MID1: variants seen among roughly 807,000 people sequenced by gnomAD.
MID1 encodes midline 1, also known as E3 ubiquitin-protein ligase Midline-1.
A neutral mutation model predicts 40.4 loss-of-function variants in MID1; 7 were observed. The ratio of observed to expected loss-of-function variants is 0.17; its 90% confidence interval spans 0.10 to 0.33. MID1 has a LOEUF of 0.33. Ranked by LOEUF, MID1 falls within the 10% of genes least tolerant of loss-of-function variation. The pLI is 1.00. For missense variants in MID1, 367 were observed against 558.5 expected (o/e 0.66, Z 3.46); for synonymous variants, 229 against 221.2 (o/e 1.04, Z -0.31).
At chrX:10,623,799 A>C (rs574342083), upstream of MID1, among the ~76,000 whole-genome samples, 61 of 112,066 alleles carry the variant, frequency 5.4e-4, no homozygotes, top group African/African-American at 1.7e-3. Context: ...GAAGTTGTCT[A>C]TGCAGCCACC....
At chrX:10,582,251 G>A (rs1427993982) in intron 1 of MID1, among the ~76,000 whole-genome samples, 6 of 111,181 alleles carry the variant, frequency 5.4e-5, no homozygotes, top group African/African-American at 2.0e-4. Flanking sequence ...GGAAGACATT[G>A]TCTTTAATAT....
At chrX:10,800,726 C>T (rs11796037) in intron 1 of MID1, among the ~76,000 whole-genome samples, 19,835 of 111,095 alleles carry the variant, frequency 0.18, 1,823 homozygotes, top group Non-Finnish European at 0.28. Context: ...GTTCCCTGGG[C>T]CTAATTCCTT....
intron 1 of MID1, among the ~76,000 whole-genome samples, chrX:10,614,656 C>T (rs978091420): frequency 8.9e-6 from 1 of 111,889 alleles, no homozygotes; most frequent in African/African-American, 3.2e-5. Context: ...GGAAGATGAA[C>T]AATTATGAAT....
At chrX:10,805,506 T>C (rs2044038804) in intron 1 of MID1, among the ~76,000 whole-genome samples, 1 of 106,387 alleles carries the variant, frequency 9.4e-6, no homozygotes, top group Admixed American at 1.0e-4. Flanking sequence ...GTCTTTGCTA[T>C]TGGGAATAGT....
chrX:10,731,966 C>CAAAAAAAAAAA (rs754605735), intron 1 of MID1, among the ~76,000 whole-genome samples: 16 of 26,646 alleles, frequency 6.0e-4, no homozygotes, highest in African/African-American at 1.4e-3. Flanking sequence ...GAATCTATCA[C>CAAAAAAAAAAA]AAAAAAAAAA....
intron 2 of MID1, among the ~76,000 whole-genome samples, chrX:10,544,846 T>C (rs1468335394): frequency 2.7e-5 from 3 of 112,691 alleles, no homozygotes; most frequent in Admixed American, 1.9e-4. Context: ...TCAGATCAGG[T>C]GAAAATGTTG....
intron 1 of MID1, among the ~76,000 whole-genome samples, chrX:10,696,165 C>T (rs1371826128): frequency 9.0e-6 from 1 of 111,574 alleles, no homozygotes; most frequent in Admixed American, 9.5e-5. Flanking sequence ...CAAGCATGCA[C>T]ACTAAGAGGA....
intron 1 of MID1, among the ~76,000 whole-genome samples, chrX:10,584,908 A>G (rs1487398766): frequency 1.8e-5 from 2 of 111,085 alleles, no homozygotes; most frequent in Admixed American, 1.9e-4. Flanking sequence ...TCCCTGAATG[A>G]GCAATTCCTG....
intron 6 of MID1, among the ~76,000 whole-genome samples, chrX:10,473,717 C>G (rs768060318): frequency 8.9e-6 from 1 of 112,523 alleles, no homozygotes; most frequent in Non-Finnish European, 1.9e-5. Flanking sequence ...GCACATCTGG[C>G]TTCACTGTGT....
At chrX:10,512,917 G>C (rs1343046466) in intron 3 of MID1, among the ~76,000 whole-genome samples, 1 of 112,211 alleles carries the variant, frequency 8.9e-6, no homozygotes, top group Non-Finnish European at 1.9e-5. Flanking sequence ...TCCTCACTGA[G>C]AGCCTTGTAC....
At chrX:10,499,982 A>G (rs1168155118) in intron 3 of MID1, among the ~76,000 whole-genome samples, 1 of 112,435 alleles carries the variant, frequency 8.9e-6, no homozygotes, top group South Asian at 3.7e-4. Flanking sequence ...GTGTGGAATT[A>G]TTGTGGTGAA....
intron 8 of MID1, among the ~76,000 whole-genome samples, chrX:10,459,362 C>A (rs746522509): frequency 8.0e-5 from 9 of 112,160 alleles, no homozygotes; most frequent in South Asian, 3.7e-4. Context: ...CTACTTCTCA[C>A]AAGAATGCCT....
intron 8 of MID1, among the ~76,000 whole-genome samples, chrX:10,456,284 G>C (rs929695068): frequency 8.9e-6 from 1 of 111,850 alleles, no homozygotes; most frequent in Non-Finnish European, 1.9e-5. Context: ...TTCTTTTTAG[G>C]TCACGGACCA....
chrX:10,806,438 G>C (rs2044048898), intron 1 of MID1, among the ~76,000 whole-genome samples: 1 of 111,865 alleles, frequency 8.9e-6, no homozygotes, highest in African/African-American at 3.3e-5. Context: ...GCAGTTTCTG[G>C]GGTGGCAGTT....
chrX:10,537,611 A>C lies in MID1; in HGVS notation c.661-14424T>G, dbSNP rs1484683516. On this transcript the variant is annotated intron_variant, in intron 2 of 9. Transcript: ENST00000317552. ...AGTGTCACTGATACAGGTAATGAAC[A>C]AATTCTCAAATCGAATGCATTTACT... Among the ~76,000 whole-genome samples the C allele has an allele frequency of 3.6e-5, 4 of 112,431 alleles. No individual in the cohort carries two copies. The East Asian group carries it at 1.1e-3, about 31-fold the overall frequency.
At chrX:10,671,214 C>G (rs971927199) in intron 1 of MID1, among the ~76,000 whole-genome samples, 6 of 111,977 alleles carry the variant, frequency 5.4e-5, no homozygotes, top group African/African-American at 1.9e-4. Flanking sequence ...TACTAAATAT[C>G]TCACAAAATT....
intron 1 of MID1, among the ~76,000 whole-genome samples, chrX:10,633,598 C>T (rs1242572927): frequency 9.0e-6 from 1 of 110,683 alleles, no homozygotes; most frequent in Non-Finnish European, 1.9e-5. Context: ...ACTACAGGTG[C>T]ACACCACCAT....
At chrX:10,717,477 A>G (rs1433640432) in intron 1 of MID1, among the ~76,000 whole-genome samples, 1 of 110,955 alleles carries the variant, frequency 9.0e-6, no homozygotes, top group Non-Finnish European at 1.9e-5. Context: ...AAAGGGATCA[A>G]TTCAACAAGC....
chrX:10,785,551 A>G (rs1192398141), intron 1 of MID1, among the ~76,000 whole-genome samples: 2 of 111,621 alleles, frequency 1.8e-5, no homozygotes, highest in Non-Finnish European at 3.8e-5. Flanking sequence ...GCATCACGCT[A>G]CCTGACTTCA....
Sources: allele counts gnomAD v4.1 joint callset (sites outside exome capture counted in the v4.1 genomes callset), GRCh38; gene constraint gnomAD v4.1.1; transcripts MANE v1.5; gene names NCBI Gene and HGNC (gene_info 2026-07-23, HGNC 2026-07-21).